Variants in FBXL20 observed in about 807,000 individuals in gnomAD.
FBXL20 encodes F-box/LRR-repeat protein 20.
FBXL20 carries 11 observed loss-of-function variants against 64.0 expected under a neutral mutation model. That is an observed-to-expected ratio of 0.17 (90% confidence interval 0.11 to 0.28). The LOEUF is 0.28. Among genes scored for constraint, FBXL20 ranks in the 10% least tolerant of loss-of-function variants. FBXL20 has a pLI of 1.00. For missense variants in FBXL20, 303 were observed against 526.2 expected, an observed-to-expected ratio of 0.58 and a Z score of 4.15; for synonymous variants, 184 against 189.0, an observed-to-expected ratio of 0.97 and a Z score of 0.22.
At chr17:39,394,374 G>A (rs945305380) in intron 1 of FBXL20, among the ~76,000 whole-genome samples, 5 of 147,714 alleles carry the variant, frequency 3.4e-5, no homozygotes, top group African/African-American at 1.0e-4. Flanking sequence ...CCAGGTTCAC[G>A]CCATTCTCCT....
intron 1 of FBXL20, among the ~76,000 whole-genome samples, chr17:39,351,691 CATGAT>C (rs2144591677): frequency 6.6e-6 from 1 of 152,118 alleles, no homozygotes; most frequent in Admixed American, 6.6e-5. Context: ...CAGGAAGTAT[CATGAT>C]ATATTTCTGT....
intron 4 of FBXL20, 59 bp downstream of exon 4, chr17:39,300,942 T>C: frequency 6.7e-7 from 1 of 1,485,614 alleles, no homozygotes; most frequent in Non-Finnish European, 9.4e-7. Flanking sequence ...CTAGGGCTAA[T>C]CTGTTCCATG....
chr17:39,402,151 G>A (rs2048254456), upstream of FBXL20: 1 of 1,233,444 alleles, frequency 8.1e-7, no homozygotes, highest in East Asian at 3.1e-5. Context: ...CGGCCACCCA[G>A]CTCCCTTCCC....
intron 2 of FBXL20, among the ~76,000 whole-genome samples, chr17:39,305,708 G>A (rs746950014): frequency 3.9e-5 from 6 of 151,938 alleles, no homozygotes; most frequent in Non-Finnish European, 5.9e-5. Flanking sequence ...AAATTAAGCC[G>A]GGAACAGTGG....
rs1388449547 is a variant in FBXL20 at position 39,285,512 on chromosome 17, T to C, written c.460A>G (p.Thr154Ala). The C allele has an allele frequency of 6.2e-7, 1 of 1,604,674 alleles. No homozygotes were observed. Among genetic ancestry groups the C allele is most frequent in the Admixed American group, 1.7e-5 (1 of 59,460 alleles). The change falls in exon 7 of 15, where the codon ACA becomes GCA. Residue 154 changes from threonine to alanine, a missense_variant. Physicochemically the swap from Thr to Ala is moderately conservative, Grantham distance 58. This residue lies in a region of FBXL20 where 246 missense variants were observed against 422.6 expected (regional missense o/e 0.58). Coordinates refer to ENST00000264658, the MANE Select transcript of FBXL20 (RefSeq NM_032875.3). ...TTTAGAGACATGTTTGTTATTGATG[T>C]ACAGGAAGCCAAGTCAAGGTGCCTG... ...KLRHLDLASCTSITNMSLKAL... is the reference protein window; with the variant it reads ...KLRHLDLASCASITNMSLKAL...
chr17:39,383,894 T>C (rs886372390), intron 1 of FBXL20, among the ~76,000 whole-genome samples: 10 of 151,470 alleles, frequency 6.6e-5, no homozygotes, highest in African/African-American at 2.4e-4. Flanking sequence ...CGGGCTACTT[T>C]GTTATGTTTT....
intron 2 of FBXL20, among the ~76,000 whole-genome samples, chr17:39,309,172 C>T (rs2047209644): frequency 6.6e-6 from 1 of 152,140 alleles, no homozygotes; most frequent in Non-Finnish European, 1.5e-5. Flanking sequence ...ACTTTGCACA[C>T]AAATTGATTA....
At chr17:39,354,695 G>GT (rs2047719401) in intron 1 of FBXL20, among the ~76,000 whole-genome samples, 1 of 151,900 alleles carries the variant, frequency 6.6e-6, no homozygotes, top group Non-Finnish European at 1.5e-5. Flanking sequence ...TTTTCACTAC[G>GT]TATCTCTATA....
At chr17:39,270,352 T>C (rs1173605785) in intron 11 of FBXL20, among the ~76,000 whole-genome samples, 1 of 152,140 alleles carries the variant, frequency 6.6e-6, no homozygotes, top group Non-Finnish European at 1.5e-5. Context: ...AAGACCAGCC[T>C]GGCCAACATG....
At chr17:39,311,288 A>G (rs775133208) in intron 2 of FBXL20, among the ~76,000 whole-genome samples, 1 of 152,202 alleles carries the variant, frequency 6.6e-6, no homozygotes, top group Non-Finnish European at 1.5e-5. Context: ...GCAGTATTTT[A>G]TCTTCTCCTT....
intron 2 of FBXL20, among the ~76,000 whole-genome samples, chr17:39,329,578 G>T (rs1567882335): frequency 6.6e-6 from 1 of 151,982 alleles, no homozygotes; most frequent in African/African-American, 2.4e-5. Flanking sequence ...GTGGTGTTTT[G>T]TATCTATCTA....
At chr17:39,285,353 CTATTCT>C in intron 7 of FBXL20, 119 bp downstream of exon 7, 1 of 513,224 alleles carries the variant, frequency 1.9e-6, no homozygotes, top group Non-Finnish European at 3.2e-6. Flanking sequence ...AACAAATTAT[CTATTCT>C]GAACTATAGA....
chr17:39,258,086 A>C lies in FBXL20; in HGVS notation c.*3374T>G, dbSNP rs145027851. ...GCAGTAGTTTTGAGGGTACCTTCTAACTTATCCCCAAATCTCTTCTCTCTG... is the reference window on the plus strand; with the variant it reads ...GCAGTAGTTTTGAGGGTACCTTCTACCTTATCCCCAAATCTCTTCTCTCTG... On this transcript the variant is annotated 3_prime_UTR_variant, in exon 15 of 15. Transcript: ENST00000264658. 1 of 152,282 alleles carries C rather than the reference A, an allele frequency of 6.6e-6. No homozygotes were observed. Among genetic ancestry groups the C allele is most frequent in the African/African-American group, 2.4e-5 (1 of 41,554 alleles). The allele number at this position is 152,282 out of a possible 1,614,324, so 9.4% of individuals were successfully genotyped here.
intron 2 of FBXL20, among the ~76,000 whole-genome samples, chr17:39,331,314 T>C (rs961817541): frequency 1.3e-5 from 2 of 152,182 alleles, no homozygotes; most frequent in Admixed American, 1.3e-4. Context: ...TTAGTCAGGC[T>C]GGTCTCGAAC....
chr17:39,322,158 T>A (rs1204363840), intron 2 of FBXL20, among the ~76,000 whole-genome samples: 1 of 101,148 alleles, frequency 9.9e-6, no homozygotes, highest in Non-Finnish European at 1.7e-5. Flanking sequence ...AGACACTATC[T>A]CTACCAAAAA....
rs1351350943 is a variant in FBXL20 at position 39,343,100 on chromosome 17, T to C, written c.104+80A>G. 5 of 1,020,048 alleles carry C rather than the reference T, an allele frequency of 4.9e-6. No individual in the cohort carries two copies. In the South Asian group the frequency reaches 6.8e-5, roughly 14 times the overall value. 63.2% of individuals were successfully genotyped at this position (1,020,048 alleles called of 1,614,324 possible). A position where few individuals can be genotyped will look rare whatever the true frequency, so the allele number is the denominator to read the frequency against. ...ACAGATACTATACATATATGAAAATTAGCAAAAAGTTAAAAAATTTTAAAC... is the reference window on the plus strand; with the variant it reads ...ACAGATACTATACATATATGAAAATCAGCAAAAAGTTAAAAAATTTTAAAC... On this transcript the variant is annotated intron_variant, in intron 2 of 14. Transcript: ENST00000264658.
intron 2 of FBXL20, among the ~76,000 whole-genome samples, chr17:39,317,947 C>T (rs897439305): frequency 1.3e-5 from 2 of 149,782 alleles, no homozygotes; most frequent in Admixed American, 6.6e-5. Flanking sequence ...GTGATCCGCC[C>T]TCCTCGCCTC....
Position 39,253,766 on chromosome 17 carries a change from G to A in FBXL20, c.*7694C>T, listed in dbSNP as rs2046670892. 1.3e-5 allele frequency: 2 copies of A among 152,170 alleles called. No individual in the cohort carries two copies. The highest frequency in any genetic ancestry group is 4.8e-5 in the African/African-American group (2 of 41,388). 9.4% of individuals were successfully genotyped at this position (152,170 alleles called of 1,614,324 possible). A position where few individuals can be genotyped will look rare whatever the true frequency, so the allele number is the denominator to read the frequency against. ...GCAGGAAAAAACTAATGTAAACCCAGGAAAGCAGCAGCAAAGGTTTCACTT... is the reference window on the plus strand; with the variant it reads ...GCAGGAAAAAACTAATGTAAACCCAAGAAAGCAGCAGCAAAGGTTTCACTT... On this transcript the variant is annotated 3_prime_UTR_variant, in exon 15 of 15. Coordinates refer to ENST00000264658, the MANE Select transcript of FBXL20 (RefSeq NM_032875.3).
intron 2 of FBXL20, among the ~76,000 whole-genome samples, chr17:39,331,893 T>G (rs2047464991): frequency 6.6e-6 from 1 of 152,256 alleles, no homozygotes; most frequent in Non-Finnish European, 1.5e-5. Context: ...TTAATCCATT[T>G]GGCCTGCTAC....
Sources: gnomAD v4.1 joint callset for allele counts (sites outside exome capture counted in the v4.1 genomes callset) on GRCh38, gnomAD v4.1.1 for gene constraint, gnomAD v4.1.1 regional missense constraint, MANE v1.5 for transcripts, NCBI Gene and HGNC (gene_info 2026-07-23, HGNC 2026-07-21) for gene names.